ATG7: variants seen among roughly 807,000 people sequenced by gnomAD.
ATG7 encodes ubiquitin-like modifier-activating enzyme ATG7.
In ATG7, 70 loss-of-function variants were observed where a neutral mutation model predicts 82.4. That is an observed-to-expected ratio of 0.85 (90% CI 0.70 to 1.04). ATG7 has a LOEUF of 1.04. Ranked by LOEUF, ATG7 falls within the 50% of genes least tolerant of loss-of-function variation. ATG7 has a pLI of 0.00. For synonymous variants in ATG7, 287 were observed against 313.0 expected (o/e 0.92, Z 0.88); for missense variants, 792 against 864.3 (o/e 0.92, Z 1.05).
chr3:11,416,520 T>C (rs2081387527), intron 19 of ATG7, among the ~76,000 whole-genome samples: 1 of 152,180 alleles, frequency 6.6e-6, no homozygotes, highest in Non-Finnish European at 1.5e-5. Context: ...TCTTTTATTA[T>C]CCTTTTCATC....
Position 11,276,896 on chromosome 3 carries a change from A to G in ATG7, c.-365-4098A>G, listed in dbSNP as rs377437148. On this transcript the variant is annotated intron_variant, in intron 1 of 20. Coordinates refer to ENST00000693202, the MANE Select transcript of ATG7 (RefSeq NM_001349232.2). The stretch of plus-strand genomic sequence containing the variant: ...AATCTCTCCTGAGTGCTACCCTCAA[A>G]CTCAAACAAGTCTAAAACTAAGCTC... 3.3e-5 allele frequency among the ~76,000 whole-genome samples: 5 copies of G among 151,958 alleles called. No homozygotes were observed. In the East Asian group the frequency reaches 7.7e-4, roughly 23 times the overall value.
intron 19 of ATG7, among the ~76,000 whole-genome samples, chr3:11,395,938 TCA>T (rs2079197521): frequency 3.2e-5 from 1 of 31,440 alleles, no homozygotes; most frequent in Admixed American, 5.6e-4. Flanking sequence ...AGACTCTGTC[TCA>T]AAAAAAAAAA....
intron 9 of ATG7, among the ~76,000 whole-genome samples, chr3:11,320,367 A>C (rs1575426103): frequency 6.6e-6 from 1 of 151,210 alleles, no homozygotes; most frequent in African/African-American, 2.4e-5. Context: ...GCTCACTGCA[A>C]CCTCCGCCTC....
At chr3:11,562,897 A>G in the ATG7 span, among the ~76,000 whole-genome samples, 2 of 152,222 alleles carry the variant, frequency 1.3e-5, no homozygotes, top group Non-Finnish European at 2.9e-5. Context: ...TCCTCCTAGG[A>G]AAGCTGCTCA....
intron 19 of ATG7, among the ~76,000 whole-genome samples, chr3:11,402,602 C>T (rs1256127695): frequency 6.6e-6 from 1 of 151,952 alleles, no homozygotes; most frequent in Non-Finnish European, 1.5e-5. Context: ...ATCACACATG[C>T]ACCAGCCCCG....
intron 20 of ATG7, among the ~76,000 whole-genome samples, chr3:11,478,437 C>T (rs773650273): frequency 3.3e-5 from 5 of 152,120 alleles, no homozygotes; most frequent in African/African-American, 4.8e-5. Flanking sequence ...ATGAGACTGG[C>T]GCATATTAAA....
Position 11,493,174 on chromosome 3 carries a change from G to T in ATG7, c.2080-61637G>T, listed in dbSNP as rs1252689905. Among the ~76,000 whole-genome samples, 4 of 152,270 alleles carry T rather than the reference G, an allele frequency of 2.6e-5. No homozygotes were observed. In the East Asian group the frequency reaches 7.7e-4, roughly 29 times the overall value. On this transcript the variant is annotated intron_variant, in intron 20 of 20. Transcript: ENST00000693202. ...TGATGAGATCAGCTCTCAGTGGAGA[G>T]GGGAGCTGGAAAGGGGGTGGGAAGG...
chr3:11,477,336 T>A, intron 20 of ATG7: 3 of 1,159,704 alleles, frequency 2.6e-6, no homozygotes, highest in Non-Finnish European at 2.2e-6. Context: ...CCTGAATCGA[T>A]AAATACGTTC....
chr3:11,323,960 A>C (rs983234344), intron 9 of ATG7, among the ~76,000 whole-genome samples: 16 of 152,210 alleles, frequency 1.1e-4, no homozygotes, highest in Admixed American at 6.5e-5. Flanking sequence ...GTTCTTGCTG[A>C]AGACAAGCAA....
intron 9 of ATG7, among the ~76,000 whole-genome samples, chr3:11,317,645 T>C (rs1949639233): frequency 6.8e-6 from 1 of 147,352 alleles, no homozygotes; most frequent in Admixed American, 7.0e-5. Context: ...CAGGCTGAAG[T>C]ACAGTGGCAC....
intron 19 of ATG7, among the ~76,000 whole-genome samples, chr3:11,403,332 TTTC>T (rs1475117738): frequency 3.5e-5 from 5 of 143,242 alleles, no homozygotes; most frequent in Non-Finnish European, 7.6e-5. Flanking sequence ...TTTCAAGGGT[TTTC>T]TTTTTTTTTT....
chr3:11,567,348 T>G, the ATG7 span, among the ~76,000 whole-genome samples: 2 of 152,126 alleles, frequency 1.3e-5, no homozygotes, highest in African/African-American at 4.8e-5. Context: ...ATAGGGTGAT[T>G]AGCTGTACAG....
chr3:11,424,632 A>G (rs1299923942), intron 19 of ATG7, among the ~76,000 whole-genome samples: 1 of 151,512 alleles, frequency 6.6e-6, no homozygotes, highest in Admixed American at 6.6e-5. Flanking sequence ...AATATTTAAA[A>G]ATCTTATTTT....
In ATG7 at chr3:11,551,700, G is replaced by C. The variant is rs187643593; in HGVS notation, c.2080-3111G>C. 3.1e-3 allele frequency among the ~76,000 whole-genome samples: 472 copies of C among 152,212 alleles called. 8 individuals are homozygous for C. The East Asian group carries it at 0.045, about 14-fold the overall frequency. Reference sequence around the variant, plus strand: ...TCGCCTCAGCCTCCCAAAGTGCTGGGATTACAGGCACGAGCCGCTGTGCCC... The same window carrying C: ...TCGCCTCAGCCTCCCAAAGTGCTGGCATTACAGGCACGAGCCGCTGTGCCC... On this transcript the variant is annotated intron_variant, in intron 20 of 20. Transcript: ENST00000693202.
intron 20 of ATG7, among the ~76,000 whole-genome samples, chr3:11,519,859 C>A (rs564431267): frequency 2.0e-5 from 3 of 152,096 alleles, no homozygotes; most frequent in Non-Finnish European, 2.9e-5. Context: ...CCATGCCCAG[C>A]CGAGAGGAGT....
chr3:11,461,924 G>C (rs2152999473), intron 20 of ATG7, among the ~76,000 whole-genome samples: 1 of 152,168 alleles, frequency 6.6e-6, no homozygotes, highest in South Asian at 2.1e-4. Context: ...CAGCTACTCA[G>C]GAGGCTGAGG....
At chr3:11,462,841 T>TTTTATTTATTTA (rs200412655) in intron 20 of ATG7, among the ~76,000 whole-genome samples, 1 of 135,416 alleles carries the variant, frequency 7.4e-6, no homozygotes, top group Non-Finnish European at 1.6e-5. Flanking sequence ...TCTCAGATAT[T>TTTTATTTATTTA]TTTATTTATT....
chr3:11,497,384 T>TATAC (rs1229975789), intron 20 of ATG7, among the ~76,000 whole-genome samples: 2 of 112,286 alleles, frequency 1.8e-5, no homozygotes, highest in Non-Finnish European at 3.8e-5. Context: ...TATATATATA[T>TATAC]ATATATATTT....
chr3:11,551,811 C>T (rs2437683), intron 20 of ATG7, among the ~76,000 whole-genome samples: 12,006 of 151,928 alleles, frequency 0.079, 637 homozygotes, highest in Non-Finnish European at 0.12. Context: ...TATAGTGGTG[C>T]GATCTCAGCT....
Sources: gnomAD v4.1 joint callset for allele counts (sites outside exome capture counted in the v4.1 genomes callset) on GRCh38, gnomAD v4.1.1 for gene constraint, MANE v1.5 for transcripts, NCBI Gene and HGNC (gene_info 2026-07-23, HGNC 2026-07-21) for gene names.